Variants in RASAL2 observed in about 807,000 individuals in gnomAD.
RASAL2 encodes the protein RAS protein activator like 2.
In RASAL2, 58 loss-of-function variants were observed where a neutral mutation model predicts 128.9. The observed-to-expected ratio is 0.45, with a 90% confidence interval of 0.36 to 0.56. The LOEUF (loss-of-function observed/expected upper bound fraction) is 0.56, where lower values mean the gene tolerates loss of function less well. RASAL2 is among the 20% of genes least tolerant of loss of function. The probability of loss-of-function intolerance (pLI) is 0.00; values close to 1 mark genes in which losing one functional copy is unlikely to be tolerated. For missense variants in RASAL2, 1,360 were observed against 1,601.6 expected, an observed-to-expected ratio of 0.85 and a Z score of 2.57; for synonymous variants, 561 against 580.8, an observed-to-expected ratio of 0.97 and a Z score of 0.49.
chr1:178,107,054 A>T (rs974507596), intron 1 of RASAL2, among the ~76,000 whole-genome samples: 1 of 152,118 alleles, frequency 6.6e-6, no homozygotes, highest in Non-Finnish European at 1.5e-5. Context: ...TTTCCCTACA[A>T]TCTTGAAAAA....
chr1:178,187,375 T>C (rs2101940827), intron 1 of RASAL2, among the ~76,000 whole-genome samples: 1 of 152,348 alleles, frequency 6.6e-6, no homozygotes, highest in African/African-American at 2.4e-5. Context: ...CTAGAACTTC[T>C]ATTTGGTCCT....
intron 3 of RASAL2, among the ~76,000 whole-genome samples, chr1:178,338,923 G>A (rs1188439636): frequency 1.3e-5 from 2 of 152,162 alleles, no homozygotes; most frequent in East Asian, 3.8e-4. Context: ...GTAAGGGTGG[G>A]GTGGCAGCAG....
At chr1:178,294,968 G>A (rs535804635) in intron 2 of RASAL2, among the ~76,000 whole-genome samples, 16 of 152,166 alleles carry the variant, frequency 1.1e-4, no homozygotes, top group Non-Finnish European at 1.2e-4. Flanking sequence ...GTCATGTTGA[G>A]CAATGACAGA....
chr1:178,453,926 C>T (rs937993296), intron 11 of RASAL2, among the ~76,000 whole-genome samples: 2 of 151,722 alleles, frequency 1.3e-5, no homozygotes, highest in African/African-American at 4.8e-5. Context: ...ACATATTTAT[C>T]GATATTTGAG....
chr1:178,458,959 A>G (rs1338667822), intron 14 of RASAL2, among the ~76,000 whole-genome samples: 3 of 152,224 alleles, frequency 2.0e-5, no homozygotes, highest in Non-Finnish European at 4.4e-5. Context: ...TTCCGAGCCA[A>G]GAGTTTAATA....
intron 1 of RASAL2, among the ~76,000 whole-genome samples, chr1:178,255,828 T>C (rs1406149095): frequency 6.6e-6 from 1 of 152,068 alleles, no homozygotes; most frequent in African/African-American, 2.4e-5. Context: ...AAATAGTAGA[T>C]ATAAATTCAG....
chr1:178,268,023 GT>G (rs1044785459), intron 1 of RASAL2, among the ~76,000 whole-genome samples: 60 of 137,628 alleles, frequency 4.4e-4, no homozygotes, highest in African/African-American at 6.1e-4. Flanking sequence ...GTTGTTTTTT[GT>G]TTTTTTTTTT....
At position 178,420,631 on chromosome 1, in the gene RASAL2, A is replaced by C; in HGVS notation, c.674+11A>C. On this transcript the variant is annotated intron_variant, in intron 5 of 17. Coordinates refer to ENST00000367649, the MANE Select transcript of RASAL2 (RefSeq NM_170692.4). ...CAGTACAGATGACAGGTAGGAAGTT[A>C]ACTTTCTTAAAACAAAAAAAGCAGT... The C allele has an allele frequency of 6.4e-7, 1 of 1,568,636 alleles. No homozygotes were observed.
intron 1 of RASAL2, among the ~76,000 whole-genome samples, chr1:178,210,225 CTT>C (rs1391375005): frequency 6.6e-6 from 1 of 152,052 alleles, no homozygotes; most frequent in African/African-American, 2.4e-5. Context: ...TACTTTGACA[CTT>C]TATAATTTTT....
Position 178,094,654 on chromosome 1 carries a change from G to C in RASAL2, c.162G>C (p.Leu54=), listed in dbSNP as rs1658603398. The C allele has an allele frequency of 6.2e-7, 1 of 1,613,986 alleles. No individual in the cohort carries two copies. Among genetic ancestry groups the C allele is most frequent in the African/African-American group, 1.3e-5 (1 of 74,958 alleles). Residue 54 remains leucine (L), a synonymous_variant, in exon 1 of 18, where the codon CTG becomes CTC. Coordinates refer to ENST00000367649, the MANE Select transcript of RASAL2 (RefSeq NM_170692.4). ...GTGGCATGTTGGATCGGATCCTTCT[G>C]GAGTCCGTGTGCCAGCAACAGAGCT... ...VAGGMLDRIL[L]ESVCQQQSWV... is the part of the protein sequence containing the mutation.
At chr1:178,445,782 G>A (rs898265151) in intron 9 of RASAL2, 120 bp downstream of exon 9, 2 of 1,049,140 alleles carry the variant, frequency 1.9e-6, no homozygotes, top group Non-Finnish European at 2.7e-6. Context: ...TGACTCAGGT[G>A]TTAAGGTTTG....
intron 1 of RASAL2, among the ~76,000 whole-genome samples, chr1:178,268,217 C>T (rs1341834280): frequency 6.6e-6 from 1 of 152,028 alleles, no homozygotes; most frequent in African/African-American, 2.4e-5. Context: ...CACCTGTAAT[C>T]CCAGCACTTT....
chr1:178,255,675 C>T (rs749331047), intron 1 of RASAL2, among the ~76,000 whole-genome samples: 5 of 151,478 alleles, frequency 3.3e-5, no homozygotes, highest in East Asian at 3.9e-4. Flanking sequence ...CATAGAGAAA[C>T]GAGGAAACAA....
intron 1 of RASAL2, among the ~76,000 whole-genome samples, chr1:178,152,405 C>T (rs1453476502): frequency 6.6e-6 from 1 of 152,134 alleles, no homozygotes; most frequent in Non-Finnish European, 1.5e-5. Flanking sequence ...TTTTGTGAGT[C>T]ATTCTAGCAA....
At chr1:178,230,967 T>G (rs1414228570) in intron 1 of RASAL2, among the ~76,000 whole-genome samples, 1 of 152,168 alleles carries the variant, frequency 6.6e-6, no homozygotes, top group Admixed American at 6.5e-5. Context: ...GGCGTTCTTC[T>G]CTTTACCGGT....
rs561269971 is a variant in RASAL2, at chr1:178,345,510, C to T, written c.458-44590C>T. Among the ~76,000 whole-genome samples, 137 of 152,132 alleles carry T rather than the reference C, an allele frequency of 9.0e-4. 1 individual carries two copies. The highest frequency in any genetic ancestry group is 1.5e-3 in the Admixed American group (23 of 15,276). On this transcript the variant is annotated intron_variant, in intron 3 of 17. Transcript: ENST00000367649. ...GTAACAGCACTGTTGTGTAACTATT[C>T]GTAAATACTACCTTTAGTTTATATG...
At chr1:178,421,632 A>G (rs968888917) in intron 5 of RASAL2, among the ~76,000 whole-genome samples, 1 of 151,962 alleles carries the variant, frequency 6.6e-6, no homozygotes, top group African/African-American at 2.4e-5. Flanking sequence ...CTCATATTTG[A>G]TACTCTTATT....
rs554889319 is a variant in RASAL2, at chr1:178,239,385, A to G, written c.203-44179A>G. On this transcript the variant is annotated intron_variant, in intron 1 of 17. Transcript: ENST00000367649. ...TTTTTTAAAAGGAAAGTCAGAGTCCATGCCTGTTGTATGTTTAGTGCAATG... is the reference window on the plus strand; with the variant it reads ...TTTTTTAAAAGGAAAGTCAGAGTCCGTGCCTGTTGTATGTTTAGTGCAATG... Among the ~76,000 whole-genome samples the G allele has an allele frequency of 5.3e-5, 8 of 152,190 alleles. No individual in the cohort carries two copies. The South Asian group carries it at 1.0e-3, about 20-fold the overall frequency.
At chr1:178,125,719 T>C (rs1299798260) in intron 1 of RASAL2, among the ~76,000 whole-genome samples, 3 of 152,096 alleles carry the variant, frequency 2.0e-5, no homozygotes, top group Non-Finnish European at 4.4e-5. Flanking sequence ...GAATAATTTG[T>C]TTAGTTAGTT....
Sources: allele counts gnomAD v4.1 joint callset (sites outside exome capture counted in the v4.1 genomes callset), GRCh38; gene constraint gnomAD v4.1.1; transcripts MANE v1.5; gene names NCBI Gene and HGNC (gene_info 2026-07-23, HGNC 2026-07-21).